Variants in TTC7A observed in about 807,000 individuals in gnomAD.
TTC7A encodes tetratricopeptide repeat protein 7A.
Under a neutral mutation model 103.7 loss-of-function variants are expected in TTC7A, and 110 were observed. The observed-to-expected ratio is 1.06, with a 90% CI of 0.91 to 1.24. TTC7A has a LOEUF of 1.24. TTC7A is among the 50% of genes most tolerant of loss of function. TTC7A has a pLI of 0.00. For missense variants in TTC7A, 1,340 were observed against 1,116.3 expected (o/e 1.20, Z -2.86); for synonymous variants, 521 against 467.9 (o/e 1.11, Z -1.47).
At chr2:46,926,392 A>G (rs906440436) in intron 2 of TTC7A, among the ~76,000 whole-genome samples, 6 of 152,192 alleles carry the variant, frequency 3.9e-5, no homozygotes, top group African/African-American at 1.4e-4. Flanking sequence ...ATAATATGGT[A>G]AATGGTAAAT....
intron 10 of TTC7A, among the ~76,000 whole-genome samples, chr2:47,010,542 C>T (rs1677932834): frequency 6.6e-6 from 1 of 151,844 alleles, no homozygotes; most frequent in Non-Finnish European, 1.5e-5. Context: ...TCAGCAGGTC[C>T]AGTCTGAGTC....
intron 8 of TTC7A, among the ~76,000 whole-genome samples, chr2:47,001,507 G>C (rs1676799683): frequency 1.3e-5 from 2 of 152,272 alleles, no homozygotes; most frequent in South Asian, 2.1e-4. Context: ...TTTCATCCCT[G>C]CCCAGGGTTA....
At chr2:46,927,769 A>G (rs1345951333) in intron 2 of TTC7A, among the ~76,000 whole-genome samples, 1 of 152,122 alleles carries the variant, frequency 6.6e-6, no homozygotes, top group Non-Finnish European at 1.5e-5. Flanking sequence ...CTGCTCACCT[A>G]AAATACTACA....
intron 2 of TTC7A, among the ~76,000 whole-genome samples, chr2:46,921,614 A>G (rs1301531149): frequency 6.6e-6 from 1 of 152,236 alleles, no homozygotes. Flanking sequence ...AATAGTCATT[A>G]AACTCTATCA....
At chr2:46,952,813 G>T (rs1440119687) in intron 2 of TTC7A, among the ~76,000 whole-genome samples, 1 of 152,258 alleles carries the variant, frequency 6.6e-6, no homozygotes, top group East Asian at 1.9e-4. Flanking sequence ...CATCCTCAGA[G>T]TTGAGCACTG....
intron 2 of TTC7A, among the ~76,000 whole-genome samples, chr2:46,917,857 C>G (rs1668895839): frequency 6.6e-6 from 1 of 152,194 alleles, no homozygotes; most frequent in Non-Finnish European, 1.5e-5. Flanking sequence ...TTTTCTGACA[C>G]CACACACTCT....
rs534562246 is a variant in TTC7A, at chr2:46,995,304, C to T, written c.1065+105C>T. 61 of 1,077,842 alleles carry T rather than the reference C, an allele frequency of 5.7e-5. 2 individuals carry two copies. The South Asian group carries it at 7.5e-4, about 13-fold the overall frequency. The allele number at this position is 1,077,842 out of a possible 1,614,324, so 66.8% of individuals were successfully genotyped here. A position where few individuals can be genotyped will look rare whatever the true frequency, so the allele number is the denominator to read the frequency against. On this transcript the variant is annotated intron_variant, in intron 8 of 19. Coordinates refer to ENST00000319190, the MANE Select transcript of TTC7A (RefSeq NM_020458.4). ...CCCGTGACCTAGCCAAACTCTGTCT[C>T]CCAGGGATACTCCTAAAGTAGATGC... is the stretch of plus-strand genomic sequence containing the variant.
chr2:47,023,299 C>T, intron 12 of TTC7A, 109 bp from the exon 13 acceptor site: 2 of 1,182,268 alleles, frequency 1.7e-6, no homozygotes, highest in South Asian at 1.3e-5. Context: ...CAGATGGGAC[C>T]CTGGTGGGGC....
intron 2 of TTC7A, among the ~76,000 whole-genome samples, chr2:46,928,939 GA>G (rs1267862331): frequency 1.3e-5 from 2 of 152,092 alleles, no homozygotes; most frequent in African/African-American, 4.8e-5. Context: ...GAGGTGGGTG[GA>G]TTACTTGAGG....
chr2:47,057,114 G>A (rs572552089), intron 18 of TTC7A, among the ~76,000 whole-genome samples: 8 of 152,352 alleles, frequency 5.3e-5, no homozygotes, highest in South Asian at 2.1e-4. Flanking sequence ...CTAGCAAAGC[G>A]TCGAGCAGGA....
chr2:47,020,199 G>A (rs1297222875), intron 11 of TTC7A, among the ~76,000 whole-genome samples: 1 of 152,178 alleles, frequency 6.6e-6, no homozygotes, highest in African/African-American at 2.4e-5. Context: ...TGCAGATGAG[G>A]ACCTTGGGAC....
chr2:46,922,690 C>T (rs2103808651), intron 2 of TTC7A, among the ~76,000 whole-genome samples: 1 of 151,908 alleles, frequency 6.6e-6, no homozygotes, highest in South Asian at 2.1e-4. Context: ...CATTCTCTCA[C>T]TCAACAACAA....
intron 5 of TTC7A, among the ~76,000 whole-genome samples, chr2:46,980,438 T>C (rs1674329193): frequency 6.6e-6 from 1 of 152,106 alleles, no homozygotes; most frequent in African/African-American, 2.4e-5. Context: ...TCTCAAACTC[T>C]TGGACTCAAG....
chr2:47,055,542 C>T (rs1388888763), intron 18 of TTC7A, among the ~76,000 whole-genome samples: 1 of 152,148 alleles, frequency 6.6e-6, no homozygotes, highest in Admixed American at 6.5e-5. Flanking sequence ...GAGGTGCTTT[C>T]CCTAAAAGCA....
Position 46,941,476 on chromosome 2 carries a change from A to G in TTC7A, c.-66A>G. On this transcript the variant is annotated 5_prime_UTR_variant, in exon 1 of 20. Transcript: ENST00000319190. This position sits in a 1 kb window ranked among gnomAD's most constrained non-coding sequence, Gnocchi z 4.2. Reference sequence around the variant, plus strand: ...CCCCGCCCGCGAGTGCGCCCCAGCCAGGACGCCGCCCCCGGCCGGGTCTCC... The same window carrying G: ...CCCCGCCCGCGAGTGCGCCCCAGCCGGGACGCCGCCCCCGGCCGGGTCTCC... 8.6e-6 allele frequency: 13 copies of G among 1,514,714 alleles called. No homozygotes were observed. Among genetic ancestry groups the G allele is most frequent in the South Asian group, 1.2e-5 (1 of 81,066 alleles). The allele number at this position is 1,514,714 out of a possible 1,614,324, so 93.8% of individuals were successfully genotyped here.
rs543963513 is a variant in TTC7A, at chr2:46,956,725, G to A, written c.349-114G>A. On this transcript the variant is annotated intron_variant, in intron 2 of 19. Coordinates refer to ENST00000319190, the MANE Select transcript of TTC7A (RefSeq NM_020458.4). ...TGAGCATCAAAGAAGGCTTTCTGGA[G>A]GAGGAGGGGAGTTCTGAGCAAGGTC... 15 of 1,081,478 alleles carry A rather than the reference G, an allele frequency of 1.4e-5. 1 individual carries two copies. Among genetic ancestry groups the A allele is most frequent in the Admixed American group, 9.3e-5 (5 of 53,934 alleles). 67.0% of individuals were successfully genotyped at this position (1,081,478 alleles called of 1,614,324 possible).
In TTC7A at chr2:47,074,836, C is replaced by T. The variant is rs1048562181; in HGVS notation, c.*913C>T. On this transcript the variant is annotated 3_prime_UTR_variant, in exon 20 of 20. Transcript: ENST00000319190. ...GGAGGGGACAGAGCCCAGCCCCTCT[C>T]CTGTGGCTGAGCAGGCCTCTGTGTC... 6.6e-6 allele frequency: 1 copy of T among 151,152 alleles called. No individual in the cohort carries two copies. The highest frequency in any genetic ancestry group is 1.5e-5 in the Non-Finnish European group (1 of 68,058). 9.4% of individuals were successfully genotyped at this position (151,152 alleles called of 1,614,324 possible). A position where few individuals can be genotyped will look rare whatever the true frequency, so the allele number is the denominator to read the frequency against.
chr2:47,004,896 C>G, intron 8 of TTC7A, among the ~76,000 whole-genome samples: 1 of 152,070 alleles, frequency 6.6e-6, no homozygotes, highest in East Asian at 1.9e-4. Context: ...CTGCGTGTTG[C>G]CCCCAGGGTA....
At chr2:46,957,701 T>C (rs561752667) in intron 3 of TTC7A, among the ~76,000 whole-genome samples, 42 of 152,312 alleles carry the variant, frequency 2.8e-4, no homozygotes, top group Admixed American at 5.9e-4. Context: ...ACCCCAAATG[T>C]GTTCAATGTT....
Sources: gnomAD v4.1 joint callset for allele counts (sites outside exome capture counted in the v4.1 genomes callset) on GRCh38, gnomAD v4.1.1 for gene constraint, Gnocchi (gnomAD v3.1) non-coding constraint, MANE v1.5 for transcripts, NCBI Gene and HGNC (gene_info 2026-07-23, HGNC 2026-07-21) for gene names.